COL23A1: variants seen among roughly 807,000 people sequenced by gnomAD.
COL23A1 encodes collagen alpha-1(XXIII) chain.
In COL23A1, 97 loss-of-function variants were observed where a neutral mutation model predicts 99.3. That is an observed-to-expected ratio of 0.98 (90% CI 0.83 to 1.16). The LOEUF (loss-of-function observed/expected upper bound fraction) is 1.16. Ranked by LOEUF, COL23A1 falls within the 50% of genes most tolerant of loss-of-function variation. COL23A1 has a pLI of 0.00. For synonymous variants in COL23A1, 320 were observed against 308.2 expected (o/e 1.04, Z -0.40); for missense variants, 762 against 757.4 (o/e 1.01, Z -0.07).
intron 2 of COL23A1, among the ~76,000 whole-genome samples, chr5:178,533,735 G>C (rs1166647593): frequency 6.6e-6 from 1 of 152,166 alleles, no homozygotes; most frequent in Non-Finnish European, 1.5e-5. Flanking sequence ...CTGACCTCGT[G>C]ATCCGCCTGC....
intron 2 of COL23A1, among the ~76,000 whole-genome samples, chr5:178,322,228 G>C (rs1322970736): frequency 6.6e-6 from 1 of 151,980 alleles, no homozygotes; most frequent in South Asian, 2.1e-4. Flanking sequence ...TCCTGACCTC[G>C]TGATCCGCCT....
intron 2 of COL23A1, among the ~76,000 whole-genome samples, chr5:178,385,036 C>T (rs181333260): frequency 1.1e-4 from 16 of 152,276 alleles, no homozygotes; most frequent in Admixed American, 3.9e-4. Flanking sequence ...CAGGTCCTGA[C>T]GGGGTAGTCT....
intron 24 of COL23A1, 33 bp downstream of exon 24, chr5:178,246,221 G>A (rs192193259): frequency 6.4e-6 from 10 of 1,552,266 alleles, no homozygotes; most frequent in African/African-American, 5.5e-5. Context: ...AGGTGGCCAC[G>A]GTTGGAGAGG....
intron 2 of COL23A1, among the ~76,000 whole-genome samples, chr5:178,445,754 G>A (rs936479320): frequency 2.0e-5 from 3 of 151,946 alleles, no homozygotes; most frequent in Non-Finnish European, 4.4e-5. Context: ...GGAGGGCAAA[G>A]AATCTTTCCA....
intron 2 of COL23A1, among the ~76,000 whole-genome samples, chr5:178,490,954 A>G (rs1169376389): frequency 6.6e-6 from 1 of 152,150 alleles, no homozygotes; most frequent in Non-Finnish European, 1.5e-5. Flanking sequence ...AAAAGTTATA[A>G]TTCATTCTTT....
chr5:178,250,629 A>C (rs551610643), intron 17 of COL23A1, among the ~76,000 whole-genome samples: 1 of 152,370 alleles, frequency 6.6e-6, no homozygotes, highest in Non-Finnish European at 1.5e-5. Context: ...TCAACAAGAA[A>C]GAACACTTTG....
Position 178,309,600 on chromosome 5 carries a change from C to T in COL23A1, c.362-2681G>A, listed in dbSNP as rs1034139619. ...AAATGTCCAACTCCACTGGGAGGCA[C>T]CACTTCCAAACTCAAGCTCACCTCC... On this transcript the variant is annotated intron_variant, in intron 2 of 28. Coordinates refer to ENST00000390654, the MANE Select transcript of COL23A1 (RefSeq NM_173465.4). This position sits in a 1 kb window ranked among gnomAD's most constrained non-coding sequence, Gnocchi z 4.7. 6.6e-5 allele frequency among the ~76,000 whole-genome samples: 10 copies of T among 152,014 alleles called. No individual in the cohort carries two copies. The highest frequency in any genetic ancestry group is 1.5e-4 in the Non-Finnish European group (10 of 67,994).
intron 1 of COL23A1, among the ~76,000 whole-genome samples, chr5:178,587,157 G>C (rs1170348339): frequency 6.6e-6 from 1 of 152,110 alleles, no homozygotes; most frequent in Non-Finnish European, 1.5e-5. Flanking sequence ...TGATTACTTA[G>C]GCAACCTATT....
intron 2 of COL23A1, among the ~76,000 whole-genome samples, chr5:178,380,708 C>A (rs1229985264): frequency 6.6e-6 from 1 of 152,168 alleles, no homozygotes; most frequent in African/African-American, 2.4e-5. Context: ...ACGGCCGGGA[C>A]AGAGGCAGGG....
rs563757097 is a variant in COL23A1, at chr5:178,394,208, C to T, written c.362-87289G>A. On this transcript the variant is annotated intron_variant, in intron 2 of 28. Coordinates refer to ENST00000390654, the MANE Select transcript of COL23A1 (RefSeq NM_173465.4). ...ACAGTCACTATCTGCACCTGTCCTGCCCTGCAGGCCTGGAGCCTCCTGAGG... is the reference window on the plus strand; with the variant it reads ...ACAGTCACTATCTGCACCTGTCCTGTCCTGCAGGCCTGGAGCCTCCTGAGG... Among the ~76,000 whole-genome samples, 10 of 152,332 alleles carry T rather than the reference C, an allele frequency of 6.6e-5. No individual in the cohort carries two copies. The East Asian group carries it at 1.7e-3, about 26-fold the overall frequency.
At chr5:178,381,221 C>G (rs558069681) in intron 2 of COL23A1, among the ~76,000 whole-genome samples, 16 of 152,228 alleles carry the variant, frequency 1.1e-4, no homozygotes, top group Non-Finnish European at 1.6e-4. Context: ...AAGGTCCCTT[C>G]GGACTTGGGA....
chr5:178,500,091 A>G (rs960538184), intron 2 of COL23A1, among the ~76,000 whole-genome samples: 15 of 152,286 alleles, frequency 9.8e-5, no homozygotes, highest in South Asian at 8.3e-4. Context: ...AGGATTACAA[A>G]GAGGCAGGAG....
At chr5:178,435,587 C>T (rs1387635065) in intron 2 of COL23A1, among the ~76,000 whole-genome samples, 1 of 152,204 alleles carries the variant, frequency 6.6e-6, no homozygotes, top group African/African-American at 2.4e-5. Flanking sequence ...TGAGTTACTT[C>T]ACCTGCAAAA....
rs909542806 is a variant in COL23A1, at chr5:178,340,139, T to C, written c.362-33220A>G. 6.6e-6 allele frequency among the ~76,000 whole-genome samples: 1 copy of C among 151,976 alleles called. No homozygotes were observed. Among genetic ancestry groups the C allele is most frequent in the South Asian group, 2.1e-4 (1 of 4,806 alleles). Reference sequence around the variant, plus strand: ...CTTGGGCATCTCACATGTTTAGCCATGAGATGGGCATCATACTCCCTCCTC... The same window carrying C: ...CTTGGGCATCTCACATGTTTAGCCACGAGATGGGCATCATACTCCCTCCTC... On this transcript the variant is annotated intron_variant, in intron 2 of 28. Transcript: ENST00000390654. This position sits in a 1 kb window ranked among gnomAD's most constrained non-coding sequence, Gnocchi z 4.7.
chr5:178,314,111 C>T (rs539100202), intron 2 of COL23A1, among the ~76,000 whole-genome samples: 1 of 152,194 alleles, frequency 6.6e-6, no homozygotes, highest in African/African-American at 2.4e-5. Context: ...CACTGAGACC[C>T]GGAGAGGCTG....
chr5:178,324,992 A>G (rs1470175301), intron 2 of COL23A1, among the ~76,000 whole-genome samples: 2 of 151,804 alleles, frequency 1.3e-5, no homozygotes, highest in Admixed American at 6.6e-5. Flanking sequence ...TTAACCATGA[A>G]CCTCACAAAC....
intron 2 of COL23A1, among the ~76,000 whole-genome samples, chr5:178,331,390 C>CT (rs1038469751): frequency 1.3e-5 from 2 of 152,372 alleles, no homozygotes; most frequent in Non-Finnish European, 2.9e-5. Context: ...CTGCATGGCC[C>CT]TGGGCAAGCC....
At chr5:178,409,381 T>C (rs1162824868) in intron 2 of COL23A1, among the ~76,000 whole-genome samples, 4 of 152,210 alleles carry the variant, frequency 2.6e-5, no homozygotes, top group Non-Finnish European at 5.9e-5. Context: ...TTTCTTAAAA[T>C]GACAGATTGG....
At chr5:178,481,079 C>T (rs1256609989) in intron 2 of COL23A1, among the ~76,000 whole-genome samples, 1 of 134,630 alleles carries the variant, frequency 7.4e-6, no homozygotes, top group Non-Finnish European at 1.5e-5. Context: ...ACCCGGGAGG[C>T]GGAGGCTGCA....
Sources: allele counts gnomAD v4.1 joint callset (sites outside exome capture counted in the v4.1 genomes callset), GRCh38; gene constraint gnomAD v4.1.1; non-coding constraint Gnocchi (gnomAD v3.1); transcripts MANE v1.5; gene names NCBI Gene and HGNC (gene_info 2026-07-23, HGNC 2026-07-21).